GRID1: variants seen among roughly 807,000 people sequenced by gnomAD.
GRID1 encodes the protein glutamate receptor ionotropic, delta-1.
In GRID1, 28 loss-of-function variants were observed where a neutral mutation model predicts 98.0. That is an observed-to-expected ratio of 0.29 (90% CI 0.21 to 0.39). GRID1 has a LOEUF of 0.39. Among genes scored for constraint, GRID1 ranks in the 10% least tolerant of loss-of-function variants. The pLI, the probability that GRID1 is intolerant of heterozygous loss-of-function variation, is 1.00. For missense variants in GRID1, 1,111 were observed against 1,340.5 expected (o/e 0.83, Z 2.67); for synonymous variants, 553 against 538.5 (o/e 1.03, Z -0.37).
chr10:85,859,905 G>C (rs1843148845), intron 6 of GRID1, among the ~76,000 whole-genome samples: 1 of 152,186 alleles, frequency 6.6e-6, no homozygotes, highest in South Asian at 2.1e-4. Flanking sequence ...ATCACAAGTA[G>C]ATGGTAGAAA....
At chr10:85,791,899 G>A (rs1564592156) in intron 8 of GRID1, among the ~76,000 whole-genome samples, 1 of 152,116 alleles carries the variant, frequency 6.6e-6, no homozygotes, top group Non-Finnish European at 1.5e-5. Flanking sequence ...TTTTGTGCAG[G>A]GGGCATAGGG....
At chr10:85,872,846 T>C (rs1026270315) in intron 5 of GRID1, among the ~76,000 whole-genome samples, 1 of 152,244 alleles carries the variant, frequency 6.6e-6, no homozygotes, top group African/African-American at 2.4e-5. Flanking sequence ...TCAGAGCATG[T>C]ATGCTGGCTG....
chr10:86,018,411 T>C (rs895341526), intron 4 of GRID1, among the ~76,000 whole-genome samples: 16 of 152,262 alleles, frequency 1.1e-4, no homozygotes, highest in Non-Finnish European at 2.2e-4. Context: ...GACAGGCTTA[T>C]GTAGCAAATG....
rs148019189 is a variant in GRID1, at chr10:85,987,125, C to T, written c.727-70886G>A. 5.4e-3 allele frequency among the ~76,000 whole-genome samples: 712 copies of T among 132,292 alleles called. 3 individuals are homozygous for T. Among genetic ancestry groups the T allele is most frequent in the Middle Eastern group, 0.026 (7 of 266 alleles). 86.8% of individuals were successfully genotyped at this position (132,292 alleles called of 152,430 possible). A position where few individuals can be genotyped will look rare whatever the true frequency, so the allele number is the denominator to read the frequency against. On this transcript the variant is annotated intron_variant, in intron 4 of 15. Coordinates refer to ENST00000327946, the MANE Select transcript of GRID1 (RefSeq NM_017551.3). ...CAGGGCAGCCTCTCCATGCCCAGGG[C>T]TCAGAGTTGCCCCAGCTTGCCAGCC...
rs1283337135 is a variant in GRID1 at position 85,647,384 on chromosome 10, G to C, written c.2011C>G (p.Leu671Val). ...MDNPIRTFQD[L>V]SKQVEMSYGT... is the part of the protein sequence containing the mutation. ...TAAGACATTTCCACTTGTTTGGACA[G>C]GTCCTGGAAAGTCCTGAAATGCAGA... is the stretch of plus-strand genomic sequence containing the variant. Residue 671 changes from leucine to valine, a missense_variant, in exon 13 of 16, where the codon CTG becomes GTG. Coordinates refer to ENST00000327946, the MANE Select transcript of GRID1 (RefSeq NM_017551.3). The C allele has an allele frequency of 6.2e-7, 1 of 1,613,892 alleles. No individual in the cohort carries two copies. The highest frequency in any genetic ancestry group is 1.6e-4 in the Middle Eastern group (1 of 6,062).
intron 2 of GRID1, among the ~76,000 whole-genome samples, chr10:86,218,634 T>G (rs1252799251): frequency 6.6e-6 from 1 of 152,210 alleles, no homozygotes; most frequent in Non-Finnish European, 1.5e-5. Flanking sequence ...AGAAGCTCAC[T>G]GTCACCTGTT....
intron 2 of GRID1, among the ~76,000 whole-genome samples, chr10:86,324,036 G>A (rs1848008427): frequency 6.6e-6 from 1 of 152,068 alleles, no homozygotes; most frequent in Admixed American, 6.6e-5. Context: ...AAAATTAGCT[G>A]GGCATGGTGG....
chr10:85,879,916 G>A (rs530574305), intron 5 of GRID1, among the ~76,000 whole-genome samples: 20 of 151,880 alleles, frequency 1.3e-4, no homozygotes, highest in Admixed American at 5.9e-4. Flanking sequence ...TCAAATAGAC[G>A]CAATAAAAAA....
chr10:85,840,022 G>A lies in GRID1; in HGVS notation c.1233+14474C>T, dbSNP rs558199102. Among the ~76,000 whole-genome samples, 18 of 151,962 alleles carry A rather than the reference G, an allele frequency of 1.2e-4. 1 individual carries two copies. Among genetic ancestry groups the A allele is most frequent in the Middle Eastern group, 3.4e-3 (1 of 294 alleles). The stretch of plus-strand genomic sequence containing the variant: ...AAATCTAGAAGAAATTGATAAATTC[G>A]TGTCACATACACCCTCCCAAGACTG... On this transcript the variant is annotated intron_variant, in intron 8 of 15. Transcript: ENST00000327946.
intron 6 of GRID1, among the ~76,000 whole-genome samples, chr10:85,862,437 G>A (rs558287930): frequency 1.3e-5 from 2 of 152,304 alleles, no homozygotes; most frequent in Admixed American, 1.3e-4. Context: ...AGCTCTGTGT[G>A]AATAAATGTA....
At chr10:86,164,623 G>C (rs1845371399) in intron 3 of GRID1, among the ~76,000 whole-genome samples, 1 of 152,226 alleles carries the variant, frequency 6.6e-6, no homozygotes, top group African/African-American at 2.4e-5. Context: ...AACTTCATCA[G>C]GGGGTCAGGG....
At chr10:86,028,232 C>A (rs17106180) in intron 4 of GRID1, among the ~76,000 whole-genome samples, 1 of 152,156 alleles carries the variant, frequency 6.6e-6, no homozygotes, top group South Asian at 2.1e-4. Context: ...TGCTGCCCCA[C>A]CAAACTGTGC....
chr10:85,675,085 C>T (rs1042977220), intron 12 of GRID1, among the ~76,000 whole-genome samples: 2 of 152,102 alleles, frequency 1.3e-5, no homozygotes, highest in African/African-American at 4.8e-5. Context: ...GTCATTTCCT[C>T]TTAGGAAAAC....
intron 8 of GRID1, among the ~76,000 whole-genome samples, chr10:85,819,710 T>C (rs1842745192): frequency 1.3e-5 from 2 of 151,908 alleles, no homozygotes; most frequent in South Asian, 4.2e-4. Flanking sequence ...GGTCAAGAGT[T>C]CGAGACCAGC....
intron 8 of GRID1, among the ~76,000 whole-genome samples, chr10:85,800,171 A>C (rs910476815): frequency 4.0e-5 from 6 of 150,014 alleles, no homozygotes; most frequent in Non-Finnish European, 8.9e-5. Context: ...AAAAAAAAAA[A>C]CTCTAAAACT....
chr10:86,256,880 T>C (rs1846928161), intron 2 of GRID1, among the ~76,000 whole-genome samples: 1 of 152,186 alleles, frequency 6.6e-6, no homozygotes, highest in Admixed American at 6.5e-5. Context: ...GAGCTGGGCC[T>C]GGGTTTACAG....
In GRID1 at chr10:85,854,186, G is replaced by A. The variant is rs1043669752; in HGVS notation, c.1233+310C>T. Reference sequence around the variant, plus strand: ...GGTCGGGCTGATTTCACTGCTCTGAGAAAACACATTGTCCTTTATAGCCTC... The same window carrying A: ...GGTCGGGCTGATTTCACTGCTCTGAAAAAACACATTGTCCTTTATAGCCTC... On this transcript the variant is annotated intron_variant, in intron 8 of 15. Transcript: ENST00000327946. 2.6e-5 allele frequency among the ~76,000 whole-genome samples: 4 copies of A among 152,256 alleles called. No homozygotes were observed. The East Asian group carries it at 7.7e-4, about 29-fold the overall frequency.
At chr10:86,060,299 C>T (rs562371483) in intron 4 of GRID1, among the ~76,000 whole-genome samples, 46 of 152,150 alleles carry the variant, frequency 3.0e-4, no homozygotes, top group Non-Finnish European at 5.1e-4. Context: ...ATAGGATTTC[C>T]CCACTGGGAA....
intron 8 of GRID1, among the ~76,000 whole-genome samples, chr10:85,803,272 A>G (rs964861136): frequency 6.6e-6 from 1 of 152,158 alleles, no homozygotes; most frequent in Non-Finnish European, 1.5e-5. Flanking sequence ...AATGTTTGAG[A>G]GGATGGATAC....
Sources: gnomAD v4.1 joint callset for allele counts (sites outside exome capture counted in the v4.1 genomes callset) on GRCh38, gnomAD v4.1.1 for gene constraint, MANE v1.5 for transcripts, NCBI Gene and HGNC (gene_info 2026-07-23, HGNC 2026-07-21) for gene names.